The following TARBP1 variants were observed in gnomAD, a reference collection of about 807,000 sequenced individuals.
TARBP1 encodes the protein tRNA (guanosine(18)-2'-O)-methyltransferase TARBP1.
Under a neutral mutation model 178.6 loss-of-function variants are expected in TARBP1, and 144 were observed. That is an observed-to-expected ratio of 0.81 (90% CI 0.70 to 0.93). The LOEUF (loss-of-function observed/expected upper bound fraction) is 0.93, where lower values mean the gene tolerates loss of function less well. Among genes scored for constraint, TARBP1 ranks in the 40% least tolerant of loss-of-function variants. The pLI, the probability that TARBP1 is intolerant of heterozygous loss-of-function variation, is 0.00. For missense variants in TARBP1, 2,067 were observed against 2,011.7 expected (o/e 1.03, Z -0.53); for synonymous variants, 787 against 781.0 (o/e 1.01, Z -0.13).
At chr1:234,411,911 A>G (rs1661867060) in intron 22 of TARBP1, among the ~76,000 whole-genome samples, 1 of 152,210 alleles carries the variant, frequency 6.6e-6, no homozygotes, top group African/African-American at 2.4e-5. Context: ...CAAGAGGCAA[A>G]TCATTTATTA....
intron 2 of TARBP1, among the ~76,000 whole-genome samples, chr1:234,471,785 G>T (rs1183103040): frequency 6.6e-6 from 1 of 152,148 alleles, no homozygotes; most frequent in Admixed American, 6.6e-5. Context: ...ACTGATTAAA[G>T]AAAACCATAA....
chr1:234,456,486 GTTAT>G (rs1301502852), intron 9 of TARBP1, among the ~76,000 whole-genome samples: 11 of 152,310 alleles, frequency 7.2e-5, no homozygotes, highest in African/African-American at 2.6e-4. Flanking sequence ...CCAGCCCAGT[GTTAT>G]TTATAAAAGC....
At chr1:234,465,491 C>A (rs1668338857) in intron 5 of TARBP1, among the ~76,000 whole-genome samples, 165 bp downstream of exon 5, 2 of 151,972 alleles carry the variant, frequency 1.3e-5, no homozygotes, top group Admixed American at 1.3e-4. Context: ...TGATGCAAAT[C>A]AGAATGCAAG....
chr1:234,452,323 T>C (rs1337667674), intron 9 of TARBP1, among the ~76,000 whole-genome samples: 5 of 152,152 alleles, frequency 3.3e-5, no homozygotes, highest in African/African-American at 1.2e-4. Context: ...GCAAAACACA[T>C]ATCTGATAAA....
intron 22 of TARBP1, 109 bp from the exon 23 acceptor site, chr1:234,410,640 T>C: frequency 1.5e-6 from 1 of 660,856 alleles, no homozygotes; most frequent in East Asian, 3.0e-5. Context: ...AGGCAGCCTC[T>C]TCCCTGGAAC....
intron 25 of TARBP1, chr1:234,400,854 T>A (rs1320792299): frequency 5.4e-6 from 1 of 186,708 alleles, no homozygotes; most frequent in Non-Finnish European, 1.1e-5. Flanking sequence ...AAATCTCACC[T>A]GCACAAATGT....
chr1:234,422,385 T>C (rs996117379), intron 20 of TARBP1, among the ~76,000 whole-genome samples: 3 of 152,256 alleles, frequency 2.0e-5, no homozygotes, highest in African/African-American at 7.2e-5. Context: ...TTCCACACAA[T>C]GGAGTACTAT....
rs12081302 is a variant in TARBP1 at position 234,416,617 on chromosome 1, T to C, written c.3705+1467A>G. On this transcript the variant is annotated intron_variant, in intron 22 of 29. Transcript: ENST00000040877. ...TGGCCAAAGCATTGTCATTTCTTAGTGGTGTGACGACTCACTTAATCGTTG... is the reference window on the plus strand; with the variant it reads ...TGGCCAAAGCATTGTCATTTCTTAGCGGTGTGACGACTCACTTAATCGTTG... Among the ~76,000 whole-genome samples, 1,236 of 152,258 alleles carry C rather than the reference T, an allele frequency of 8.1e-3. 16 individuals carry two copies. Among genetic ancestry groups the C allele is most frequent in the African/African-American group, 0.029 (1,188 of 41,552 alleles).
intron 26 of TARBP1, among the ~76,000 whole-genome samples, chr1:234,396,984 C>A (rs762883778): frequency 6.6e-6 from 1 of 151,344 alleles, no homozygotes; most frequent in Non-Finnish European, 1.5e-5. Context: ...CTGAGGGCAG[C>A]GTCCATTTTC....
At chr1:234,392,162 G>C (rs540903824) in intron 29 of TARBP1, among the ~76,000 whole-genome samples, 29 of 152,292 alleles carry the variant, frequency 1.9e-4, no homozygotes, top group African/African-American at 7.0e-4. Flanking sequence ...TCAGGAGTTC[G>C]AGACCAGCCT....
chr1:234,425,581 A>G (rs1663649959), intron 20 of TARBP1, 92 bp downstream of exon 20: 1 of 1,319,706 alleles, frequency 7.6e-7, no homozygotes, highest in African/African-American at 1.5e-5. Flanking sequence ...CTGACAAAAG[A>G]TATTTAGAAG....
intron 2 of TARBP1, among the ~76,000 whole-genome samples, chr1:234,472,055 G>A (rs550285220): frequency 2.7e-4 from 41 of 152,114 alleles, no homozygotes; most frequent in Admixed American, 1.2e-3. Flanking sequence ...CAAAAGTCCT[G>A]GACGGGTGCG....
chr1:234,395,929 C>G (rs367878395), intron 26 of TARBP1, among the ~76,000 whole-genome samples: 7 of 152,138 alleles, frequency 4.6e-5, no homozygotes, highest in African/African-American at 1.7e-4. Flanking sequence ...TTTCCATGTT[C>G]TCATCACAAA....
At chr1:234,454,266 A>C (rs755768765) in intron 9 of TARBP1, among the ~76,000 whole-genome samples, 3 of 152,232 alleles carry the variant, frequency 2.0e-5, no homozygotes, top group Non-Finnish European at 4.4e-5. Flanking sequence ...GCCTTATTTG[A>C]ATACCTGAAC....
intron 23 of TARBP1, 81 bp from the exon 24 acceptor site, chr1:234,406,180 C>T (rs894015616): frequency 1.5e-5 from 19 of 1,286,520 alleles, no homozygotes; most frequent in African/African-American, 5.9e-5. Context: ...AAAAAGTACA[C>T]GAATGATACA....
intron 20 of TARBP1, among the ~76,000 whole-genome samples, chr1:234,424,497 G>A (rs941624673): frequency 6.6e-5 from 10 of 152,194 alleles, no homozygotes; most frequent in Admixed American, 2.0e-4. Context: ...ATATTACAAT[G>A]GAAGCAAATC....
chr1:234,435,835 C>T (rs1185801467), intron 13 of TARBP1, among the ~76,000 whole-genome samples: 1 of 152,182 alleles, frequency 6.6e-6, no homozygotes, highest in African/African-American at 2.4e-5. Flanking sequence ...ATATCTCTTT[C>T]CAACTCAGTG....
At position 234,410,539 on chromosome 1, in the gene TARBP1, A is replaced by C. The variant is rs772506590; in HGVS notation, c.3706-8T>G. The stretch of plus-strand genomic sequence containing the variant: ...TTTAAGATTTTCTTCACCCTGAAAA[A>C]ATAATCAGATAAACAAATATTGATT... On this transcript the variant is annotated splice_region_variant and splice_polypyrimidine_tract_variant and intron_variant, in intron 22 of 29. Transcript: ENST00000040877. The C allele has an allele frequency of 3.4e-6, 5 of 1,464,566 alleles. No individual in the cohort carries two copies. Among genetic ancestry groups the C allele is most frequent in the Non-Finnish European group, 4.7e-6 (5 of 1,054,836 alleles). 90.7% of individuals were successfully genotyped at this position (1,464,566 alleles called of 1,614,324 possible). A position where few individuals can be genotyped will look rare whatever the true frequency, so the allele number is the denominator to read the frequency against.
At chr1:234,407,956 A>C (rs957410484) in intron 23 of TARBP1, 2 of 152,164 alleles carry the variant, frequency 1.3e-5, no homozygotes, top group Admixed American at 1.3e-4. Flanking sequence ...AGCTAGGTAT[A>C]CATTACTCGT....
Sources: allele counts gnomAD v4.1 joint callset (sites outside exome capture counted in the v4.1 genomes callset), GRCh38; gene constraint gnomAD v4.1.1; transcripts MANE v1.5; gene names NCBI Gene and HGNC (gene_info 2026-07-23, HGNC 2026-07-21).